The following OBI1 variants were observed in gnomAD, a reference collection of about 807,000 sequenced individuals.
OBI1 encodes ring finger protein 219.
Under a neutral mutation model 62.4 loss-of-function variants are expected in OBI1, and 59 were observed. That is an observed-to-expected ratio of 0.95 (90% confidence interval 0.77 to 1.17). OBI1 has a LOEUF of 1.17. OBI1 is among the 50% of genes most tolerant of loss of function. The pLI, the probability that OBI1 is intolerant of heterozygous loss-of-function variation, is 0.00. For missense variants in OBI1, 875 were observed against 830.9 expected (o/e 1.05, Z -0.65); for synonymous variants, 302 against 292.8 (o/e 1.03, Z -0.32).
chr13:78,656,801 T>A (rs1876723508), intron 1 of OBI1, among the ~76,000 whole-genome samples: 1 of 140,534 alleles, frequency 7.1e-6, no homozygotes. Context: ...AATTTTTTTT[T>A]TTTTTTTTTT....
At chr13:78,621,364 C>T (rs1427100085) in intron 5 of OBI1, among the ~76,000 whole-genome samples, 1 of 152,206 alleles carries the variant, frequency 6.6e-6, no homozygotes, top group Admixed American at 6.5e-5. Flanking sequence ...AGACGTGCTT[C>T]ATGATCAGTG....
In OBI1 at chr13:78,614,524, A is replaced by G. The variant is rs972987338; in HGVS notation, c.*1056T>C. On this transcript the variant is annotated 3_prime_UTR_variant, in exon 6 of 6. Transcript: ENST00000282003. The stretch of plus-strand genomic sequence containing the variant: ...TCACCCCCTCAACACTCTTCACAGA[A>G]AAGTTTTGTCCTACATAAAAGATAT... 7.2e-5 allele frequency: 11 copies of G among 152,660 alleles called. No homozygotes were observed. The highest frequency in any genetic ancestry group is 2.7e-4 in the African/African-American group (11 of 41,452). 9.5% of individuals were successfully genotyped at this position (152,660 alleles called of 1,614,324 possible).
At chr13:78,639,854 A>C in intron 3 of OBI1, among the ~76,000 whole-genome samples, 2 of 86,300 alleles carry the variant, frequency 2.3e-5, no homozygotes, top group South Asian at 4.9e-4. Context: ...GGGTGGGGGG[A>C]GGGGGGAGGG....
intron 1 of OBI1, among the ~76,000 whole-genome samples, chr13:78,653,179 C>T (rs1397390926): frequency 6.6e-6 from 1 of 152,178 alleles, no homozygotes; most frequent in African/African-American, 2.4e-5. Context: ...CAGCGTTTCT[C>T]AACTTTGACA....
intron 5 of OBI1, among the ~76,000 whole-genome samples, chr13:78,618,809 T>C (rs996551419): frequency 6.6e-6 from 1 of 152,192 alleles, no homozygotes; most frequent in Non-Finnish European, 1.5e-5. Context: ...AAATGAATGA[T>C]GGGAATTTTT....
intron 1 of OBI1, among the ~76,000 whole-genome samples, chr13:78,650,397 C>T (rs1566286956): frequency 6.6e-6 from 1 of 152,182 alleles, no homozygotes; most frequent in Non-Finnish European, 1.5e-5. Context: ...GGTGGTATAA[C>T]TGCCTTCTCT....
chr13:78,635,025 G>A, intron 5 of OBI1, 85 bp downstream of exon 5: 6 of 750,516 alleles, frequency 8.0e-6, no homozygotes, highest in Non-Finnish European at 1.3e-5. Context: ...TAAATGAAGA[G>A]TCAAACAAAA....
At chr13:78,641,907 T>C (rs1876227615) in intron 3 of OBI1, among the ~76,000 whole-genome samples, 1 of 151,326 alleles carries the variant, frequency 6.6e-6, no homozygotes, top group Non-Finnish European at 1.5e-5. Context: ...CATTCCTTGG[T>C]ACTTAAAGAA....
At chr13:78,620,474 C>A in intron 5 of OBI1, 1 of 329,904 alleles carries the variant, frequency 3.0e-6, no homozygotes, top group Non-Finnish European at 5.9e-6. Context: ...CAGTGATGGC[C>A]AAAGGCTTCA....
At chr13:78,624,783 C>T (rs1248247970) in intron 5 of OBI1, among the ~76,000 whole-genome samples, 2 of 152,146 alleles carry the variant, frequency 1.3e-5, no homozygotes, top group Admixed American at 1.3e-4. Context: ...AAATACAGAA[C>T]TAAACTGTGT....
intron 3 of OBI1, among the ~76,000 whole-genome samples, chr13:78,641,391 A>T (rs957675206): frequency 1.3e-5 from 2 of 152,146 alleles, no homozygotes; most frequent in South Asian, 4.1e-4. Flanking sequence ...AAAATTTTTG[A>T]GGCAGTTGAG....
intron 5 of OBI1, among the ~76,000 whole-genome samples, chr13:78,631,445 A>G (rs1875846658): frequency 6.6e-6 from 1 of 152,136 alleles, no homozygotes; most frequent in Non-Finnish European, 1.5e-5. Context: ...GTAAGAAAAA[A>G]TTCATTATTT....
At position 78,616,029 on chromosome 13, in the gene OBI1, C is replaced by G. The variant is rs1259932961; in HGVS notation, c.1732G>C (p.Glu578Gln). ...TTTTCTTCCAACTTATCAGGTTCCTCAAGAAATTCACTGCCTTGAGATGAC... is the reference window on the plus strand; with the variant it reads ...TTTTCTTCCAACTTATCAGGTTCCTGAAGAAATTCACTGCCTTGAGATGAC... ...SKSSQGSEFLEEPDKLEEKTE... is the reference protein window; with the variant it reads ...SKSSQGSEFLQEPDKLEEKTE... Residue 578 changes from glutamate to glutamine, a missense_variant, in exon 6 of 6, where the codon GAG becomes CAG. Coordinates refer to ENST00000282003, the MANE Select transcript of OBI1 (RefSeq NM_024546.4). 1 of 1,614,140 alleles carries G rather than the reference C, an allele frequency of 6.2e-7. No homozygotes were observed.
intron 5 of OBI1, among the ~76,000 whole-genome samples, chr13:78,617,589 T>C (rs1359774180): frequency 6.6e-6 from 1 of 152,190 alleles, no homozygotes; most frequent in Non-Finnish European, 1.5e-5. Context: ...TTGTCAAACA[T>C]AAAATGCCAA....
chr13:78,635,495 G>A (rs2137448279), intron 4 of OBI1, among the ~76,000 whole-genome samples: 1 of 152,310 alleles, frequency 6.6e-6, no homozygotes, highest in South Asian at 2.1e-4. Flanking sequence ...AAATGTATGT[G>A]TGATTTTTTT....
In OBI1 at chr13:78,658,949, G is replaced by A. The variant is rs569489318; in HGVS notation, c.72+100C>T. 4 of 1,000,490 alleles carry A rather than the reference G, an allele frequency of 4.0e-6. No homozygotes were observed. The African/African-American group carries it at 4.8e-5, about 12-fold the overall frequency. The allele number at this position is 1,000,490 out of a possible 1,614,324, so 62.0% of individuals were successfully genotyped here. ...GGTTAGCGTTTTCTCCCATCTCCGC[G>A]CCTCACGCCCCTTCCCCGCCCCCGC... On this transcript the variant is annotated intron_variant, in intron 1 of 5. Coordinates refer to ENST00000282003, the MANE Select transcript of OBI1 (RefSeq NM_024546.4).
intron 2 of OBI1, among the ~76,000 whole-genome samples, chr13:78,644,373 A>C (rs189952532): frequency 5.7e-4 from 87 of 152,368 alleles, no homozygotes; most frequent in African/African-American, 2.1e-3. Flanking sequence ...GACCCAAAGT[A>C]GACTACTGAT....
intron 1 of OBI1, among the ~76,000 whole-genome samples, chr13:78,658,619 CTAGT>C (rs1258213780): frequency 6.6e-6 from 1 of 152,312 alleles, no homozygotes; most frequent in Admixed American, 6.5e-5. Context: ...AGGATGAACA[CTAGT>C]TACAGAGGAC....
Position 78,615,643 on chromosome 13 carries a change from T to A in OBI1, c.2118A>T (p.Ser706=). Residue 706 remains serine, a synonymous_variant, in exon 6 of 6, where the codon TCA becomes TCT. Coordinates refer to ENST00000282003, the MANE Select transcript of OBI1 (RefSeq NM_024546.4). ...GGCTGCTCTGGATTTTTCTTTTTGT[T>A]GATTGATTCACATTTTTATTCCTCT... ...PEKRNKNVNQ[S]TKRKIQSSLS... 1 of 1,613,776 alleles carries A rather than the reference T, an allele frequency of 6.2e-7. No individual in the cohort carries two copies. The highest frequency in any genetic ancestry group is 8.5e-7 in the Non-Finnish European group (1 of 1,179,906).
Sources: allele counts gnomAD v4.1 joint callset (sites outside exome capture counted in the v4.1 genomes callset), GRCh38; gene constraint gnomAD v4.1.1; transcripts MANE v1.5; gene names NCBI Gene and HGNC (gene_info 2026-07-23, HGNC 2026-07-21).